The following SPOCK3 variants were observed in gnomAD, a reference collection of about 807,000 sequenced individuals.
SPOCK3 encodes the protein SPARC (osteonectin), cwcv and kazal like domains proteoglycan 3.
SPOCK3 carries 30 observed loss-of-function variants against 56.6 expected under a neutral mutation model. That is an observed-to-expected ratio of 0.53 (90% CI 0.40 to 0.72). SPOCK3 has a LOEUF of 0.72. Ranked by LOEUF, SPOCK3 falls within the 30% of genes least tolerant of loss-of-function variation. The pLI is 0.00. For missense variants in SPOCK3, 527 were observed against 530.0 expected, an observed-to-expected ratio of 0.99 and a Z score of 0.06; for synonymous variants, 196 against 183.3, an observed-to-expected ratio of 1.07 and a Z score of -0.56.
intron 4 of SPOCK3, among the ~76,000 whole-genome samples, chr4:166,929,409 T>A (rs1037973889): frequency 6.6e-6 from 1 of 152,186 alleles, no homozygotes. Context: ...TCCTTCTTGA[T>A]TGTGCTCACA....
chr4:167,226,066 C>T (rs1293444155), intron 2 of SPOCK3, among the ~76,000 whole-genome samples: 3 of 152,084 alleles, frequency 2.0e-5, no homozygotes, highest in African/African-American at 7.2e-5. Context: ...CTGATTCTTG[C>T]CCACCAATCA....
intron 7 of SPOCK3, among the ~76,000 whole-genome samples, chr4:166,755,274 T>C (rs1462067666): frequency 6.6e-6 from 1 of 152,130 alleles, no homozygotes. Context: ...TCATGTAATT[T>C]ACACAGCCAC....
intron 6 of SPOCK3, among the ~76,000 whole-genome samples, chr4:166,847,663 A>ATATATATATATCTATATATATATC (rs1748228940): frequency 1.0e-5 from 1 of 98,358 alleles, no homozygotes; most frequent in East Asian, 4.1e-4. Context: ...ATATATATAT[A>ATATATATATATCTATATATATATC]TATATATATA....
intron 2 of SPOCK3, among the ~76,000 whole-genome samples, chr4:167,071,864 C>G (rs1255541350): frequency 1.3e-5 from 2 of 152,166 alleles, no homozygotes; most frequent in Non-Finnish European, 2.9e-5. Context: ...TCCTATTTCT[C>G]CACATCCTCT....
chr4:166,986,675 G>A (rs1747209403), intron 4 of SPOCK3, among the ~76,000 whole-genome samples: 1 of 151,852 alleles, frequency 6.6e-6, no homozygotes, highest in South Asian at 2.1e-4. Flanking sequence ...GCAATAAAAG[G>A]GACTCTAATT....
intron 4 of SPOCK3, among the ~76,000 whole-genome samples, chr4:166,949,241 C>T (rs532244871): frequency 0.051 from 7,792 of 152,124 alleles, 655 homozygotes; most frequent in African/African-American, 0.18. Flanking sequence ...GTTATACATT[C>T]GTCTAAATTT....
rs574190688 is a variant in SPOCK3, at chr4:167,133,414, G to A, written c.190-70877C>T. On this transcript the variant is annotated intron_variant, in intron 2 of 10. Transcript: ENST00000357545. ...AGACCAGCTGTAGACTTCTGCTTCC[G>A]GAACTGTAACATAATAAATTTGTGC... Among the ~76,000 whole-genome samples, 70 of 152,140 alleles carry A rather than the reference G, an allele frequency of 4.6e-4. 1 individual carries two copies. Among genetic ancestry groups the A allele is most frequent in the Admixed American group, 1.3e-3 (20 of 15,264 alleles).
At chr4:167,040,759 C>T (rs1342333654) in intron 3 of SPOCK3, among the ~76,000 whole-genome samples, 1 of 152,018 alleles carries the variant, frequency 6.6e-6, no homozygotes, top group African/African-American at 2.4e-5. Context: ...TTCAAAGATA[C>T]AATTATTAAT....
chr4:167,231,313 G>A (rs931577373), intron 2 of SPOCK3, among the ~76,000 whole-genome samples: 2 of 151,248 alleles, frequency 1.3e-5, no homozygotes, highest in South Asian at 2.1e-4. Context: ...CAGTCACTTC[G>A]GAAGAAAAAA....
intron 7 of SPOCK3, among the ~76,000 whole-genome samples, chr4:166,788,957 G>T (rs548948759): frequency 2.1e-5 from 3 of 143,282 alleles, no homozygotes; most frequent in South Asian, 4.4e-4. Context: ...CCCAAAATTT[G>T]ATTTTTCTCT....
intron 7 of SPOCK3, among the ~76,000 whole-genome samples, chr4:166,776,299 G>A (rs1206391232): frequency 8.5e-5 from 13 of 152,054 alleles, no homozygotes. Context: ...TGTAGTCCCA[G>A]CTACTCAGGA....
intron 6 of SPOCK3, among the ~76,000 whole-genome samples, chr4:166,838,826 G>A (rs1442622850): frequency 6.7e-6 from 1 of 149,214 alleles, no homozygotes; most frequent in Non-Finnish European, 1.5e-5. Context: ...AGCTGGGCGT[G>A]GTGGCAGACA....
In SPOCK3 at chr4:167,007,975, G is replaced by A. The variant is rs141133502; in HGVS notation, c.236-7512C>T. Among the ~76,000 whole-genome samples the A allele has an allele frequency of 7.8e-3, 1,191 of 152,046 alleles. 13 individuals are homozygous for A. The highest frequency in any genetic ancestry group is 0.027 in the African/African-American group (1,121 of 41,498). ...TATGAAAGAAATAAATTTTTCACAT[G>A]TTTCTAAGTGTCAAAAGGAAAAAGA... On this transcript the variant is annotated intron_variant, in intron 3 of 10. Coordinates refer to ENST00000357545, the MANE Select transcript of SPOCK3 (RefSeq NM_001040159.2).
chr4:167,063,564 C>T (rs776872775), intron 2 of SPOCK3, among the ~76,000 whole-genome samples: 1 of 151,794 alleles, frequency 6.6e-6, no homozygotes, highest in East Asian at 1.9e-4. Flanking sequence ...GGTATAAATG[C>T]GGTTTTGCTA....
chr4:167,221,023 ACAGT>A (rs1735857290), intron 2 of SPOCK3, among the ~76,000 whole-genome samples: 1 of 152,084 alleles, frequency 6.6e-6, no homozygotes, highest in Non-Finnish European at 1.5e-5. Context: ...AAGAAAATAG[ACAGT>A]CAATGTGACC....
At position 167,109,065 on chromosome 4, in the gene SPOCK3, T is replaced by TATACTTATATAAATATATATAAA. The variant is rs1328710834; in HGVS notation, c.190-46529_190-46528insTTTATATATATTTATATAAGTAT. Among the ~76,000 whole-genome samples the TATACTTATATAAATATATATAAA allele has an allele frequency of 1.1e-3, 2 of 1,798 alleles. 1 individual carries two copies. The highest frequency in any genetic ancestry group is 0.022 in the East Asian group (2 of 90). The allele number at this position is 1,798 out of a possible 152,430, so 1.2% of individuals were successfully genotyped here. The stretch of plus-strand genomic sequence containing the variant: ...ACTTATATAAAAATATATATAAATA[T>TATACTTATATAAATATATATAAA]TATATATTTATATAAAAATATATAT... On this transcript the variant is annotated intron_variant, in intron 2 of 10. Coordinates refer to ENST00000357545, the MANE Select transcript of SPOCK3 (RefSeq NM_001040159.2).
chr4:167,178,968 A>G (rs1382501674), intron 2 of SPOCK3, among the ~76,000 whole-genome samples: 1 of 152,156 alleles, frequency 6.6e-6, no homozygotes, highest in Non-Finnish European at 1.5e-5. Context: ...TTTGATGAAA[A>G]ACTTTCAATG....
intron 2 of SPOCK3, among the ~76,000 whole-genome samples, chr4:167,174,620 C>T (rs1730807196): frequency 6.6e-6 from 1 of 152,050 alleles, no homozygotes; most frequent in African/African-American, 2.4e-5. Context: ...GAGCCTAGAG[C>T]CTATCGGATG....
At chr4:167,134,161 T>C (rs1762925701) in intron 2 of SPOCK3, among the ~76,000 whole-genome samples, 1 of 151,496 alleles carries the variant, frequency 6.6e-6, no homozygotes, top group South Asian at 2.1e-4. Flanking sequence ...CCTGAGTAGC[T>C]GGGACTACAG....
Sources: allele counts gnomAD v4.1 joint callset (sites outside exome capture counted in the v4.1 genomes callset), GRCh38; gene constraint gnomAD v4.1.1; transcripts MANE v1.5; gene names NCBI Gene and HGNC (gene_info 2026-07-23, HGNC 2026-07-21).